Variants in LUZP2 observed in about 807,000 individuals in gnomAD.
LUZP2 encodes the protein leucine zipper protein 2.
Under a neutral mutation model 51.6 loss-of-function variants are expected in LUZP2, and 52 were observed. The observed-to-expected ratio is 1.01, with a 90% CI of 0.81 to 1.27. LUZP2 has a LOEUF of 1.27. Among genes scored for constraint, LUZP2 ranks in the 50% most tolerant of loss-of-function variants. LUZP2 has a pLI of 0.00. For missense variants in LUZP2, 436 were observed against 395.4 expected (o/e 1.10, Z -0.87); for synonymous variants, 154 against 137.3 (o/e 1.12, Z -0.85).
intron 5 of LUZP2, among the ~76,000 whole-genome samples, chr11:24,832,570 T>TA (rs11396010): frequency 0.99 from 150,811 of 151,668 alleles, 74,982 homozygotes; most frequent in Middle Eastern, 1. Context: ...AAATATAACT[T>TA]AAAAATATGC....
intron 5 of LUZP2, among the ~76,000 whole-genome samples, chr11:24,843,927 C>T (rs889990773): frequency 5.3e-5 from 8 of 152,138 alleles, no homozygotes; most frequent in African/African-American, 1.7e-4. Context: ...TGAGGCCTCC[C>T]CAGCCATGTG....
intron 1 of LUZP2, among the ~76,000 whole-genome samples, chr11:24,666,937 G>A (rs558060429): frequency 1.3e-5 from 2 of 151,990 alleles, no homozygotes; most frequent in South Asian, 2.1e-4. Context: ...TATTTTTCTC[G>A]TCTCTCTCCG....
At chr11:24,570,819 A>T (rs1852412727) in intron 1 of LUZP2, among the ~76,000 whole-genome samples, 2 of 152,044 alleles carry the variant, frequency 1.3e-5, no homozygotes, top group South Asian at 4.1e-4. Context: ...CATATATAAA[A>T]CATTCTATGA....
chr11:24,908,085 C>A (rs576956595), intron 6 of LUZP2, among the ~76,000 whole-genome samples: 2 of 152,108 alleles, frequency 1.3e-5, no homozygotes, highest in Non-Finnish European at 2.9e-5. Flanking sequence ...GATTCACCAT[C>A]ACTACCAAAA....
At chr11:24,597,739 T>C (rs1414815606) in intron 1 of LUZP2, among the ~76,000 whole-genome samples, 1 of 152,208 alleles carries the variant, frequency 6.6e-6, no homozygotes. Context: ...ATTGGTCTTA[T>C]ATGGTATCAC....
chr11:25,045,636 A>T (rs1858282462), intron 9 of LUZP2, among the ~76,000 whole-genome samples: 1 of 152,220 alleles, frequency 6.6e-6, no homozygotes, highest in Non-Finnish European at 1.5e-5. Flanking sequence ...CATGAAAAGG[A>T]TCCATCTGCT....
At chr11:24,888,006 C>T (rs1042782592) in intron 5 of LUZP2, among the ~76,000 whole-genome samples, 4 of 152,186 alleles carry the variant, frequency 2.6e-5, no homozygotes, top group Admixed American at 2.6e-4. Context: ...GCTGCCTGGC[C>T]ACAATGGTTT....
chr11:24,741,636 C>CATA (rs1793669940), intron 4 of LUZP2, among the ~76,000 whole-genome samples: 1 of 151,312 alleles, frequency 6.6e-6, no homozygotes, highest in African/African-American at 2.4e-5. Flanking sequence ...CATAGCTTAG[C>CATA]TCCCACATAT....
intron 1 of LUZP2, among the ~76,000 whole-genome samples, chr11:24,604,622 C>G (rs965614696): frequency 2.6e-5 from 4 of 151,768 alleles, no homozygotes; most frequent in Admixed American, 1.3e-4. Flanking sequence ...CACTGACTGC[C>G]TGGGTTCCAA....
At chr11:24,902,107 T>G (rs1853297905) in intron 5 of LUZP2, among the ~76,000 whole-genome samples, 1 of 152,162 alleles carries the variant, frequency 6.6e-6, no homozygotes, top group Non-Finnish European at 1.5e-5. Context: ...GGAAAATCAT[T>G]TACATTAAAC....
chr11:24,832,857 G>T (rs1414775912), intron 5 of LUZP2, among the ~76,000 whole-genome samples: 4 of 151,968 alleles, frequency 2.6e-5, no homozygotes. Context: ...TAAATGGACA[G>T]ATAGATAGAT....
At chr11:24,930,034 T>C (rs889144585) in intron 7 of LUZP2, among the ~76,000 whole-genome samples, 16 of 152,222 alleles carry the variant, frequency 1.1e-4, no homozygotes, top group Admixed American at 9.8e-4. Flanking sequence ...GTTTGTCTGA[T>C]ATAAGAATAG....
chr11:24,635,752 G>A (rs554741940), intron 1 of LUZP2, among the ~76,000 whole-genome samples: 24 of 152,134 alleles, frequency 1.6e-4, no homozygotes, highest in South Asian at 4.1e-4. Context: ...ACAAATCAAC[G>A]CAGAGTGCTG....
intron 9 of LUZP2, among the ~76,000 whole-genome samples, chr11:25,004,539 C>T (rs910249482): frequency 3.9e-5 from 6 of 152,076 alleles, no homozygotes; most frequent in African/African-American, 1.2e-4. Flanking sequence ...TGCTGATATC[C>T]GCAGCTGATT....
chr11:24,648,316 A>T (rs1855523178), intron 1 of LUZP2, among the ~76,000 whole-genome samples: 1 of 151,654 alleles, frequency 6.6e-6, no homozygotes, highest in South Asian at 2.1e-4. Context: ...AATTGTTTCT[A>T]GTTTCTCAGA....
intron 4 of LUZP2, among the ~76,000 whole-genome samples, chr11:24,757,687 A>G (rs1859825967): frequency 6.6e-6 from 1 of 151,990 alleles, no homozygotes; most frequent in Non-Finnish European, 1.5e-5. Flanking sequence ...CTAAAGAAAA[A>G]AGGTTATGAT....
chr11:24,727,175 T>G (rs1395376431), intron 1 of LUZP2, among the ~76,000 whole-genome samples: 1 of 152,042 alleles, frequency 6.6e-6, no homozygotes, highest in Non-Finnish European at 1.5e-5. Context: ...ATAAATATAG[T>G]AAACAAAGTC....
intron 5 of LUZP2, among the ~76,000 whole-genome samples, chr11:24,857,655 G>A (rs11028228): frequency 0.16 from 23,614 of 151,296 alleles, 2,004 homozygotes; most frequent in African/African-American, 0.21. Flanking sequence ...CAGTGTGAAC[G>A]CTTGAAAAAG....
At chr11:24,814,311 T>C (rs1213812276) in intron 5 of LUZP2, among the ~76,000 whole-genome samples, 3 of 134,286 alleles carry the variant, frequency 2.2e-5, no homozygotes, top group Non-Finnish European at 3.3e-5. Flanking sequence ...TCCTAGAACA[T>C]AAGAAGTACT....
Sources: allele counts gnomAD v4.1 joint callset (sites outside exome capture counted in the v4.1 genomes callset), GRCh38; gene constraint gnomAD v4.1.1; transcripts MANE v1.5; gene names NCBI Gene and HGNC (gene_info 2026-07-23, HGNC 2026-07-21).